Variants in NWD1 observed in about 807,000 individuals in gnomAD.
NWD1 encodes NACHT domain- and WD repeat-containing protein 1.
In NWD1, 129 loss-of-function variants were observed where a neutral mutation model predicts 135.1. The ratio of observed to expected loss-of-function variants is 0.96; its 90% CI spans 0.83 to 1.11. NWD1 has a LOEUF of 1.11. NWD1 is among the 50% of genes least tolerant of loss of function. The pLI, the probability that NWD1 is intolerant of heterozygous loss-of-function variation, is 0.00. For synonymous variants in NWD1, 773 were observed against 786.0 expected (o/e 0.98, Z 0.28); for missense variants, 1,740 against 1,851.3 (o/e 0.94, Z 1.10).
intron 8 of NWD1, among the ~76,000 whole-genome samples, chr19:16,762,391 G>A (rs1285425625): frequency 6.9e-6 from 1 of 144,030 alleles, no homozygotes; most frequent in Non-Finnish European, 1.5e-5. Flanking sequence ...CTGCCTCCCA[G>A]GTTCAAGCCA....
At chr19:16,783,670 A>T (rs951067842) in intron 12 of NWD1, among the ~76,000 whole-genome samples, 1 of 149,622 alleles carries the variant, frequency 6.7e-6, no homozygotes, top group African/African-American at 2.4e-5. Context: ...AATAAATAAA[A>T]TAAAAATAAA....
intron 4 of NWD1, among the ~76,000 whole-genome samples, chr19:16,740,193 G>A (rs28378317): frequency 0.072 from 10,890 of 151,780 alleles, 549 homozygotes; most frequent in African/African-American, 0.14. Flanking sequence ...TAGCTGCTCC[G>A]GAGGCTGAGA....
intron 17 of NWD1, among the ~76,000 whole-genome samples, chr19:16,804,794 G>T (rs1021912689): frequency 2.7e-5 from 4 of 146,988 alleles, no homozygotes; most frequent in Non-Finnish European, 5.9e-5. Flanking sequence ...GTAGAAAGGG[G>T]CAAAGAAGCT....
intron 8 of NWD1, 149 bp downstream of exon 8, chr19:16,762,287 C>A (rs73521255): frequency 4.8e-6 from 3 of 624,032 alleles, no homozygotes; most frequent in Non-Finnish European, 8.2e-6. Flanking sequence ...TTCTACTGTC[C>A]CCCCCACTCC....
chr19:16,803,004 T>A (rs569857319), intron 17 of NWD1, among the ~76,000 whole-genome samples: 1 of 146,478 alleles, frequency 6.8e-6, no homozygotes, highest in Non-Finnish European at 1.5e-5. Flanking sequence ...AGGAAAGAGG[T>A]TTAATGGACT....
At chr19:16,776,437 G>A (rs183935487) in intron 11 of NWD1, among the ~76,000 whole-genome samples, 30 of 151,844 alleles carry the variant, frequency 2.0e-4, no homozygotes, top group South Asian at 4.2e-4. Flanking sequence ...GCGTTGTAGC[G>A]GACACCTGTA....
At chr19:16,799,080 G>T (rs1970514409) in intron 16 of NWD1, among the ~76,000 whole-genome samples, 1 of 152,158 alleles carries the variant, frequency 6.6e-6, no homozygotes, top group Non-Finnish European at 1.5e-5. Flanking sequence ...AAGCTGATGG[G>T]TTCAAGCCTG....
chr19:16,785,239 C>T (rs556978414), intron 12 of NWD1, among the ~76,000 whole-genome samples: 51 of 152,188 alleles, frequency 3.4e-4, no homozygotes, highest in African/African-American at 8.9e-4. Context: ...AGGCCAGGCG[C>T]GGTGGCTCAC....
intron 13 of NWD1, among the ~76,000 whole-genome samples, chr19:16,790,113 A>G (rs1970190746): frequency 6.6e-6 from 1 of 152,138 alleles, no homozygotes; most frequent in African/African-American, 2.4e-5. Context: ...CTGTGATTTC[A>G]TAGTTTTATA....
chr19:16,760,948 C>T (rs1194230169), intron 7 of NWD1, among the ~76,000 whole-genome samples: 2 of 152,178 alleles, frequency 1.3e-5, no homozygotes, highest in African/African-American at 2.4e-5. Flanking sequence ...TTGCACCCCT[C>T]ACCTCTGTCT....
At chr19:16,792,881 A>G (rs1278488929) in intron 14 of NWD1, among the ~76,000 whole-genome samples, 2 of 149,566 alleles carry the variant, frequency 1.3e-5, no homozygotes, top group Non-Finnish European at 3.0e-5. Context: ...CATCTCAAAA[A>G]AAAAAAAAAA....
Position 16,749,451 on chromosome 19 carries a change from T to C in NWD1, c.809T>C (p.Val270Ala), listed in dbSNP as rs1968463929. Residue 270 changes from valine (V) to alanine (A), a missense_variant, in exon 6 of 19, where the codon GTG becomes GCG. Transcript: ENST00000524140. The stretch of plus-strand genomic sequence containing the variant: ...CTGAAGGAGCTGGGTGAGCAGTTTG[T>C]GGTGAGGGCCAATCACCAGGTCCTC... Reference protein sequence around the residue: ...CYLKELGEQFVVRANHQVLTR... With the variant: ...CYLKELGEQFAVRANHQVLTR... The C allele has an allele frequency of 6.2e-7, 1 of 1,613,236 alleles. No individual in the cohort carries two copies. Among genetic ancestry groups the C allele is most frequent in the African/African-American group, 1.3e-5 (1 of 74,896 alleles).
Position 16,815,838 on chromosome 19 carries a change from C to G in NWD1, c.*799C>G, listed in dbSNP as rs751890862. On this transcript the variant is annotated 3_prime_UTR_variant, in exon 19 of 19. Coordinates refer to ENST00000524140, the MANE Select transcript of NWD1 (RefSeq NM_001007525.5). ...CACTGATGTGGACCACAGAACCTCA[C>G]AGTTTATAAAGCTGTAGGTGCTGTC... 2 of 153,964 alleles carry G rather than the reference C, an allele frequency of 1.3e-5. No homozygotes were observed. Among genetic ancestry groups the G allele is most frequent in the African/African-American group, 4.8e-5 (2 of 41,444 alleles). The allele number at this position is 153,964 out of a possible 1,614,324, so 9.5% of individuals were successfully genotyped here.
intron 18 of NWD1, among the ~76,000 whole-genome samples, chr19:16,813,440 C>T (rs1347528507): frequency 1.3e-5 from 2 of 151,816 alleles, no homozygotes; most frequent in South Asian, 2.1e-4. Flanking sequence ...CATTCTTTGC[C>T]CCCGCCTTAT....
intron 14 of NWD1, among the ~76,000 whole-genome samples, chr19:16,793,487 A>G (rs2123063227): frequency 6.6e-6 from 1 of 151,830 alleles, no homozygotes; most frequent in East Asian, 1.9e-4. Context: ...CAGCCTTCCA[A>G]AGTGCTGGGA....
intron 15 of NWD1, among the ~76,000 whole-genome samples, chr19:16,795,589 G>A (rs1291467629): frequency 6.6e-6 from 1 of 151,898 alleles, no homozygotes. Context: ...GCTAATTTTT[G>A]TATTTTTAGT....
In NWD1 at chr19:16,731,224, A is replaced by G. The variant is rs1568333768; in HGVS notation, c.27A>G (p.Ala9=). The G allele has an allele frequency of 6.5e-7, 1 of 1,534,816 alleles. No individual in the cohort carries two copies. Among genetic ancestry groups the G allele is most frequent in the Non-Finnish European group, 8.7e-7 (1 of 1,145,572 alleles). Residue 9 remains alanine (A), a synonymous_variant, in exon 3 of 19, where the codon GCA becomes GCG. Transcript: ENST00000524140. ...TGCAGAGAGGGAAGCCCTGCAGAGC[A>G]CTGCCTACCCTGAAGTGCCAGACCT... MQRGKPCR[A]LPTLKCQTFC...
intron 18 of NWD1, among the ~76,000 whole-genome samples, chr19:16,809,647 CG>C (rs1288476258): frequency 6.6e-6 from 1 of 151,070 alleles, no homozygotes; most frequent in Non-Finnish European, 1.5e-5. Flanking sequence ...CTCTGCCTCC[CG>C]GGTTTATGCC....
At position 16,763,958 on chromosome 19, in the gene NWD1, C is replaced by T. The variant is rs750924778; in HGVS notation, c.2251+13C>T. On this transcript the variant is annotated intron_variant, in intron 9 of 18. Transcript: ENST00000524140. ...CAGGAGGTTCTGGGTAAGGGCTGCCCCCCATCTCAGAGGACCGAGCCTGGT... is the reference window on the plus strand; with the variant it reads ...CAGGAGGTTCTGGGTAAGGGCTGCCTCCCATCTCAGAGGACCGAGCCTGGT... The T allele has an allele frequency of 3.2e-6, 5 of 1,538,770 alleles. No individual in the cohort carries two copies. In the East Asian group the frequency reaches 1.1e-4, roughly 35 times the overall value.
Sources: gnomAD v4.1 joint callset for allele counts (sites outside exome capture counted in the v4.1 genomes callset) on GRCh38, gnomAD v4.1.1 for gene constraint, MANE v1.5 for transcripts, NCBI Gene and HGNC (gene_info 2026-07-23, HGNC 2026-07-21) for gene names.